GPAT4: variants seen among roughly 807,000 people sequenced by gnomAD.
The protein encoded by GPAT4 is glycerol-3-phosphate acyltransferase 4, also known as 1-AGP acyltransferase 6.
Under a neutral mutation model 58.0 loss-of-function variants are expected in GPAT4, and 17 were observed. That is an observed-to-expected ratio of 0.29 (90% CI 0.20 to 0.44). The LOEUF (loss-of-function observed/expected upper bound fraction) is 0.44. GPAT4 is among the 20% of genes least tolerant of loss of function. GPAT4 has a pLI of 1.00. For missense variants in GPAT4, 377 were observed against 574.5 expected, an observed-to-expected ratio of 0.66 and a Z score of 3.51; for synonymous variants, 204 against 210.1, an observed-to-expected ratio of 0.97 and a Z score of 0.25.
chr8:41,617,254 C>T (rs1803621969), intron 10 of GPAT4, among the ~76,000 whole-genome samples: 1 of 152,064 alleles, frequency 6.6e-6, no homozygotes, highest in African/African-American at 2.4e-5. Flanking sequence ...GCCCCAGCTA[C>T]TCGGGAGGCT....
intron 4 of GPAT4, chr8:41,610,207 G>C: frequency 7.4e-7 from 1 of 1,351,702 alleles, no homozygotes; most frequent in Non-Finnish European, 9.5e-7. Context: ...GCAAACACAG[G>C]GACAGGGAAC....
rs762211959 is a variant in GPAT4 at position 41,599,129 on chromosome 8, G to A, written c.-11G>A. ...GGGAGGCAGGTGCTGGCCTGGCCTG[G>A]ATCTTCCACCATGTTCCTGTTGCTG... On this transcript the variant is annotated 5_prime_UTR_variant, in exon 2 of 13. Coordinates refer to ENST00000396987, the MANE Select transcript of GPAT4 (RefSeq NM_178819.4). The A allele has an allele frequency of 3.7e-6, 6 of 1,608,794 alleles. No individual in the cohort carries two copies. In the East Asian group the frequency reaches 1.3e-4, roughly 36 times the overall value.
At chr8:41,612,131 G>T (rs1190921573) in intron 6 of GPAT4, 49 bp from the exon 7 acceptor site, 2 of 1,595,828 alleles carry the variant, frequency 1.3e-6, no homozygotes, top group East Asian at 4.5e-5. Context: ...TGTGTTACAT[G>T]AACTGTTTCA....
Position 41,623,526 on chromosome 8 carries a change from T to A in GPAT4, c.*2525T>A, listed in dbSNP as rs1285072828. ...CTGCATCCGTCTCCTGAGTCATAACTAGGGACTTGGCTAGATGACCTCAGA... is the reference window on the plus strand; with the variant it reads ...CTGCATCCGTCTCCTGAGTCATAACAAGGGACTTGGCTAGATGACCTCAGA... On this transcript the variant is annotated 3_prime_UTR_variant, in exon 13 of 13. Coordinates refer to ENST00000396987, the MANE Select transcript of GPAT4 (RefSeq NM_178819.4). 1 of 152,252 alleles carries A rather than the reference T, an allele frequency of 6.6e-6. No individual in the cohort carries two copies. The highest frequency in any genetic ancestry group is 2.1e-4 in the South Asian group (1 of 4,832). 9.4% of individuals were successfully genotyped at this position (152,252 alleles called of 1,614,324 possible). A position where few individuals can be genotyped will look rare whatever the true frequency, so the allele number is the denominator to read the frequency against.
chr8:41,603,557 G>A (rs1803166056), intron 2 of GPAT4, among the ~76,000 whole-genome samples: 3 of 151,160 alleles, frequency 2.0e-5, no homozygotes, highest in Admixed American at 2.0e-4. Context: ...GTAATTTTGG[G>A]CCCCAGAACC....
chr8:41,599,114 T>C lies in GPAT4; in HGVS notation c.-26T>C, dbSNP rs1434510746. 1 of 1,596,574 alleles carries C rather than the reference T, an allele frequency of 6.3e-7. No homozygotes were observed. The highest frequency in any genetic ancestry group is 1.4e-5 in the African/African-American group (1 of 73,582). On this transcript the variant is annotated 5_prime_UTR_variant, in exon 2 of 13. Coordinates refer to ENST00000396987, the MANE Select transcript of GPAT4 (RefSeq NM_178819.4). Reference sequence around the variant, plus strand: ...TGCAATTTGTTCTTAGGGAGGCAGGTGCTGGCCTGGCCTGGATCTTCCACC... The same window carrying C: ...TGCAATTTGTTCTTAGGGAGGCAGGCGCTGGCCTGGCCTGGATCTTCCACC...
chr8:41,618,428 AT>A (rs1803655217), intron 10 of GPAT4: 1 of 537,380 alleles, frequency 1.9e-6, no homozygotes, highest in Admixed American at 3.2e-5. Flanking sequence ...GAGGGAAGAC[AT>A]TTGCTTGAGG....
Position 41,617,321 on chromosome 8 carries a change from G to A in GPAT4, c.1054-1363G>A, listed in dbSNP as rs527662604. On this transcript the variant is annotated intron_variant, in intron 10 of 12. Coordinates refer to ENST00000396987, the MANE Select transcript of GPAT4 (RefSeq NM_178819.4). ...GGAGCTTGCAGTGAGCCGAGATAGCGCCACAGCACTCCAGCCTGGGCGACA... is the reference window on the plus strand; with the variant it reads ...GGAGCTTGCAGTGAGCCGAGATAGCACCACAGCACTCCAGCCTGGGCGACA... 5.3e-5 allele frequency among the ~76,000 whole-genome samples: 8 copies of A among 152,144 alleles called. No homozygotes were observed. The South Asian group carries it at 1.0e-3, about 20-fold the overall frequency.
chr8:41,620,855 CTCTTG>C, intron 12 of GPAT4, 33 bp from the exon 13 acceptor site: 1 of 1,549,570 alleles, frequency 6.5e-7, no homozygotes, highest in East Asian at 2.4e-5. Flanking sequence ...GCTGGGAGCC[CTCTTG>C]GCTGTTACTA....
rs1464733911 is a variant in GPAT4 at position 41,598,510 on chromosome 8, G to A, written c.-630G>A. 1 of 152,252 alleles carries A rather than the reference G, an allele frequency of 6.6e-6. No individual in the cohort carries two copies. Among genetic ancestry groups the A allele is most frequent in the African/African-American group, 2.4e-5 (1 of 41,460 alleles). The allele number at this position is 152,252 out of a possible 1,614,324, so 9.4% of individuals were successfully genotyped here. A position where few individuals can be genotyped will look rare whatever the true frequency, so the allele number is the denominator to read the frequency against. ...ATCCTGGAAGCTGTGAGCACCAGGA[G>A]CCTTGCCAGAGGAGGATGGGGCCAG... On this transcript the variant is annotated 5_prime_UTR_variant, in exon 2 of 13. Coordinates refer to ENST00000396987, the MANE Select transcript of GPAT4 (RefSeq NM_178819.4).
chr8:41,611,893 G>A lies in GPAT4; in HGVS notation c.612-10G>A. 6.2e-7 allele frequency: 1 copy of A among 1,613,598 alleles called. No individual in the cohort carries two copies. Among genetic ancestry groups the A allele is most frequent in the Non-Finnish European group, 8.5e-7 (1 of 1,179,528 alleles). ...AAATAAAACCCAGAATCCTTGTCCTGTTATTGCAGGTTTAAGGAGTTCATG... is the reference window on the plus strand; with the variant it reads ...AAATAAAACCCAGAATCCTTGTCCTATTATTGCAGGTTTAAGGAGTTCATG... On this transcript the variant is annotated splice_polypyrimidine_tract_variant and intron_variant, in intron 5 of 12. Transcript: ENST00000396987.
intron 2 of GPAT4, among the ~76,000 whole-genome samples, chr8:41,600,487 TATGTGAA>T (rs1803057898): frequency 1.3e-5 from 2 of 152,226 alleles, no homozygotes; most frequent in Non-Finnish European, 2.9e-5. Context: ...TTAAGTGAGC[TATGTGAA>T]ATGTTACATT....
intron 10 of GPAT4, among the ~76,000 whole-genome samples, chr8:41,615,455 G>C (rs1298418170): frequency 2.6e-5 from 4 of 151,776 alleles, no homozygotes; most frequent in Admixed American, 2.6e-4. Context: ...GAGGATTGGG[G>C]GGGGGGTCAT....
Position 41,578,242 on chromosome 8 carries a change from T to C in GPAT4, c.-885T>C, listed in dbSNP as rs1185501902. The C allele has an allele frequency of 2.0e-5, 3 of 151,234 alleles. No individual in the cohort carries two copies. Among genetic ancestry groups the C allele is most frequent in the Admixed American group, 1.3e-4 (2 of 15,172 alleles). The allele number at this position is 151,234 out of a possible 1,614,324, so 9.4% of individuals were successfully genotyped here. ...CGGCGGCAAGGGCGGGAGGGAGCGG[T>C]CGCCGCGGGATTTGGAGCTGCCTAG... On this transcript the variant is annotated 5_prime_UTR_variant, in exon 1 of 13. Transcript: ENST00000396987.
At chr8:41,580,078 C>T (rs1802472632) in intron 1 of GPAT4, among the ~76,000 whole-genome samples, 1 of 152,180 alleles carries the variant, frequency 6.6e-6, no homozygotes, top group African/African-American at 2.4e-5. Flanking sequence ...GATGAAGACG[C>T]TTACATTCAT....
chr8:41,583,162 A>T (rs1486731108), intron 1 of GPAT4, among the ~76,000 whole-genome samples: 1 of 152,014 alleles, frequency 6.6e-6, no homozygotes, highest in African/African-American at 2.4e-5. Context: ...GAGGCAAAGG[A>T]TGCAGTGAGC....
chr8:41,595,325 CTTTTTTTTTTTTTTTT>C (rs61465079), intron 1 of GPAT4, among the ~76,000 whole-genome samples: 1 of 73,846 alleles, frequency 1.4e-5, no homozygotes, highest in African/African-American at 5.9e-5. Context: ...TTAAATCTTC[CTTTTTTTTTTTTTTTT>C]TTTTTTTTTT....
intron 1 of GPAT4, among the ~76,000 whole-genome samples, chr8:41,580,827 G>C (rs1802491555): frequency 6.6e-6 from 1 of 152,184 alleles, no homozygotes; most frequent in Non-Finnish European, 1.5e-5. Flanking sequence ...GGCAACTGTT[G>C]TGTGTCTATT....
At chr8:41,581,993 A>ATTTTTTTTTTTTTTTTT (rs71230849) in intron 1 of GPAT4, among the ~76,000 whole-genome samples, 1 of 63,608 alleles carries the variant, frequency 1.6e-5, no homozygotes. Context: ...AAGTTCAATG[A>ATTTTTTTTTTTTTTTTT]TTTTTTTTTT....
Sources: gnomAD v4.1 joint callset for allele counts (sites outside exome capture counted in the v4.1 genomes callset) on GRCh38, gnomAD v4.1.1 for gene constraint, MANE v1.5 for transcripts, NCBI Gene and HGNC (gene_info 2026-07-23, HGNC 2026-07-21) for gene names.